Variants in ALOX5 observed in about 807,000 individuals in gnomAD.
ALOX5 encodes the protein arachidonate 5-lipoxygenase, also known as polyunsaturated fatty acid 5-lipoxygenase.
Under a neutral mutation model 87.9 loss-of-function variants are expected in ALOX5, and 64 were observed. That is an observed-to-expected ratio of 0.73 (90% CI 0.60 to 0.90). The LOEUF (loss-of-function observed/expected upper bound fraction) is 0.90. ALOX5 is among the 40% of genes least tolerant of loss of function. The pLI is 0.00. For missense variants in ALOX5, 822 were observed against 907.5 expected, an observed-to-expected ratio of 0.91 and a Z score of 1.21; for synonymous variants, 388 against 355.1, an observed-to-expected ratio of 1.09 and a Z score of -1.04.
At chr10:45,390,782 C>T (rs1198525813) in intron 2 of ALOX5, among the ~76,000 whole-genome samples, 1 of 152,086 alleles carries the variant, frequency 6.6e-6, no homozygotes, top group Non-Finnish European at 1.5e-5. Flanking sequence ...GTTAAAAGAA[C>T]TAGAGAAGCA....
At chr10:45,409,777 C>T (rs921083041) in intron 3 of ALOX5, among the ~76,000 whole-genome samples, 2 of 152,226 alleles carry the variant, frequency 1.3e-5, no homozygotes, top group Non-Finnish European at 2.9e-5. Flanking sequence ...GGCTCCTGTG[C>T]AGGTCAGCCT....
chr10:45,384,916 C>T (rs779498892), intron 2 of ALOX5, among the ~76,000 whole-genome samples: 4 of 152,012 alleles, frequency 2.6e-5, no homozygotes, highest in Non-Finnish European at 4.4e-5. Flanking sequence ...GATCTCAGCC[C>T]ACTGCAACCT....
intron 2 of ALOX5, 35 bp downstream of exon 2, chr10:45,382,716 C>T (rs1839884856): frequency 1.3e-6 from 2 of 1,587,436 alleles, no homozygotes; most frequent in Admixed American, 3.6e-5. Flanking sequence ...CCCGGGCTTC[C>T]CAAGAACCGA....
Position 45,424,941 on chromosome 10 carries a change from C to T in ALOX5, c.662-19C>T. On this transcript the variant is annotated intron_variant, in intron 5 of 13. Transcript: ENST00000374391. The stretch of plus-strand genomic sequence containing the variant: ...CCTCTACTCAGAGCTCAGGGTGGGC[C>T]TCGCTTTTCTCCTGGTAGAGCGGGT... The T allele has an allele frequency of 6.2e-7, 1 of 1,613,636 alleles. No individual in the cohort carries two copies. Among genetic ancestry groups the T allele is most frequent in the Non-Finnish European group, 8.5e-7 (1 of 1,179,660 alleles).
At position 45,412,092 on chromosome 10, in the gene ALOX5, C is replaced by T. The variant is rs144995222; in HGVS notation, c.432-99C>T. ...GACTTTATTTTGAGTACATCAATCT[C>T]CCTGTGTAACATCGTCTGACAGTGT... On this transcript the variant is annotated intron_variant, in intron 3 of 13. Coordinates refer to ENST00000374391, the MANE Select transcript of ALOX5 (RefSeq NM_000698.5). 364 of 1,528,954 alleles carry T rather than the reference C, an allele frequency of 2.4e-4. 1 individual carries two copies. In the African/African-American group the frequency reaches 4.5e-3, roughly 19 times the overall value. The allele number at this position is 1,528,954 out of a possible 1,614,324, so 94.7% of individuals were successfully genotyped here.
chr10:45,441,555 C>T, intron 9 of ALOX5, 125 bp downstream of exon 9: 1 of 931,084 alleles, frequency 1.1e-6, no homozygotes, highest in Admixed American at 2.3e-5. Context: ...CTGCTCAGAG[C>T]ACTGGCTCCA....
At chr10:45,383,686 T>C (rs1285829054) in intron 2 of ALOX5, among the ~76,000 whole-genome samples, 1 of 152,236 alleles carries the variant, frequency 6.6e-6, no homozygotes, top group Non-Finnish European at 1.5e-5. Context: ...AAAAAAGTTA[T>C]TCTGTACCTG....
chr10:45,443,468 G>A lies in ALOX5; in HGVS notation c.1504G>A (p.Glu502Lys), dbSNP rs1355174398. ...CTACGAGGGCGACCAGGTGGTGGAG[G>A]AGGACCCGGAGCTGCAGGACTTCGT... ...IYYEGDQVVE[E>K]DPELQDFVND... The change falls in exon 11 of 14, where the codon GAG (glutamate) becomes AAG (lysine). Residue 502 changes from glutamate to lysine, a missense_variant. Transcript: ENST00000374391. 6.2e-6 allele frequency: 10 copies of A among 1,612,880 alleles called. No homozygotes were observed. Among genetic ancestry groups the A allele is most frequent in the Non-Finnish European group, 8.5e-6 (10 of 1,179,488 alleles).
At chr10:45,424,364 C>T (rs1841618775) in intron 5 of ALOX5, among the ~76,000 whole-genome samples, 1 of 152,212 alleles carries the variant, frequency 6.6e-6, no homozygotes, top group African/African-American at 2.4e-5. Flanking sequence ...CTCAGATATT[C>T]AAGCTCGAGC....
intron 9 of ALOX5, among the ~76,000 whole-genome samples, chr10:45,441,852 C>T (rs1161409655): frequency 6.6e-6 from 1 of 152,152 alleles, no homozygotes; most frequent in East Asian, 1.9e-4. Context: ...CCTCCCAACC[C>T]ACTGTCTCCT....
chr10:45,382,788 G>A (rs1005866506), intron 2 of ALOX5, 107 bp downstream of exon 2: 55 of 1,346,446 alleles, frequency 4.1e-5, no homozygotes, highest in South Asian at 4.0e-4. Context: ...GTGCAGGGGC[G>A]GGAAGTGGGA....
intron 2 of ALOX5, among the ~76,000 whole-genome samples, chr10:45,393,648 A>T (rs1840383905): frequency 2.6e-5 from 4 of 152,200 alleles, no homozygotes; most frequent in African/African-American, 7.2e-5. Flanking sequence ...TAATTAGGAA[A>T]AGAGGAAGTC....
chr10:45,391,012 C>A (rs200763310), intron 2 of ALOX5, among the ~76,000 whole-genome samples: 2,007 of 51,326 alleles, frequency 0.039, 152 homozygotes, highest in African/African-American at 0.12. Flanking sequence ...CCCCTCTCTC[C>A]TCTCCCATCT....
rs1448610886 is a variant in ALOX5 at position 45,374,297 on chromosome 10, C to A, written c.18C>A (p.Val6=). The A allele has an allele frequency of 6.6e-7, 1 of 1,514,864 alleles. No homozygotes were observed. The highest frequency in any genetic ancestry group is 8.8e-7 in the Non-Finnish European group (1 of 1,132,106). The allele number at this position is 1,514,864 out of a possible 1,614,324, so 93.8% of individuals were successfully genotyped here. A position where few individuals can be genotyped will look rare whatever the true frequency, so the allele number is the denominator to read the frequency against. The change falls in exon 1 of 14, where the codon GTC becomes GTA. Residue 6 remains valine, a synonymous_variant. Transcript: ENST00000374391. ...CCCGCGCCATGCCCTCCTACACGGT[C>A]ACCGTGGCCACTGGCAGCCAGTGGT... The part of the protein sequence containing the change: MPSYT[V]TVATGSQWFA...
chr10:45,426,914 A>G (rs1841724294), intron 6 of ALOX5, among the ~76,000 whole-genome samples: 2 of 151,866 alleles, frequency 1.3e-5, no homozygotes, highest in African/African-American at 4.8e-5. Context: ...AGCAAGAAAG[A>G]CCCTGTTTCC....
At chr10:45,430,825 AC>A (rs1251130910) in intron 7 of ALOX5, among the ~76,000 whole-genome samples, 86 of 152,294 alleles carry the variant, frequency 5.6e-4, no homozygotes, top group Non-Finnish European at 9.4e-4. Flanking sequence ...TCACCCAGCC[AC>A]TAGACAGCTG....
rs1054695669 is a variant in ALOX5 at position 45,443,879 on chromosome 10, C to T, written c.1674+51C>T. On this transcript the variant is annotated intron_variant, in intron 12 of 13. Transcript: ENST00000374391. ...AGGGCTCCCTTCTCAAGGCCGCTGC[C>T]TCCTCCCCCGCCCCGGTTCTGCACG... The T allele has an allele frequency of 3.9e-6, 6 of 1,539,388 alleles. No individual in the cohort carries two copies. The African/African-American group carries it at 5.5e-5, about 14-fold the overall frequency.
At chr10:45,422,823 C>T (rs1006851362) in intron 4 of ALOX5, among the ~76,000 whole-genome samples, 9 of 152,320 alleles carry the variant, frequency 5.9e-5, no homozygotes, top group African/African-American at 1.9e-4. Context: ...ATTTGTCTCT[C>T]ACAGGTCCGG....
chr10:45,374,620 G>C (rs1300531025), intron 1 of ALOX5, among the ~76,000 whole-genome samples, 191 bp downstream of exon 1: 1 of 152,158 alleles, frequency 6.6e-6, no homozygotes, highest in South Asian at 2.1e-4. Context: ...TGGCCGGTGG[G>C]TACCCTGGTG....
Sources: gnomAD v4.1 joint callset for allele counts (sites outside exome capture counted in the v4.1 genomes callset) on GRCh38, gnomAD v4.1.1 for gene constraint, MANE v1.5 for transcripts, NCBI Gene and HGNC (gene_info 2026-07-23, HGNC 2026-07-21) for gene names.